The following CNTNAP2 variants were observed in gnomAD, a reference collection of about 807,000 sequenced individuals.
CNTNAP2 encodes the protein contactin associated protein 2.
Under a neutral mutation model 155.2 loss-of-function variants are expected in CNTNAP2, and 98 were observed. The ratio of observed to expected loss-of-function variants is 0.63; its 90% confidence interval spans 0.54 to 0.75. The LOEUF is 0.75. Among genes scored for constraint, CNTNAP2 ranks in the 30% least tolerant of loss-of-function variants. CNTNAP2 has a pLI of 0.00. For synonymous variants in CNTNAP2, 651 were observed against 631.2 expected, an observed-to-expected ratio of 1.03 and a Z score of -0.47; for missense variants, 1,727 against 1,688.1, an observed-to-expected ratio of 1.02 and a Z score of -0.40.
At chr7:148,241,918 G>C (rs1031574094) in intron 20 of CNTNAP2, among the ~76,000 whole-genome samples, 1 of 152,166 alleles carries the variant, frequency 6.6e-6, no homozygotes, top group African/African-American at 2.4e-5. Context: ...TACATTTCAT[G>C]CAGCTCAGTG....
intron 1 of CNTNAP2, among the ~76,000 whole-genome samples, chr7:146,665,788 A>AAAAAAAAAAACAAAAAAAAAAAAAAC (rs1328734569): frequency 2.8e-5 from 4 of 142,034 alleles, no homozygotes; most frequent in Non-Finnish European, 6.0e-5. Flanking sequence ...CTCATTAAAA[A>AAAAAAAAAAACAAAAAAAAAAAAAAC]AAAAAAAAAA....
At chr7:147,257,665 G>A (rs763648588) in intron 8 of CNTNAP2, among the ~76,000 whole-genome samples, 42 of 152,308 alleles carry the variant, frequency 2.8e-4, no homozygotes, top group Admixed American at 6.5e-4. Context: ...TTAAAATGAC[G>A]CTAGGAAATT....
At chr7:147,755,433 T>C (rs921248162) in intron 13 of CNTNAP2, among the ~76,000 whole-genome samples, 1 of 152,148 alleles carries the variant, frequency 6.6e-6, no homozygotes, top group Non-Finnish European at 1.5e-5. Context: ...GGCAGGCGGA[T>C]CACTTGAAGC....
At chr7:147,285,133 T>C (rs1368088332) in intron 8 of CNTNAP2, among the ~76,000 whole-genome samples, 3 of 151,902 alleles carry the variant, frequency 2.0e-5, no homozygotes, top group African/African-American at 7.2e-5. Context: ...ATGCAATTTA[T>C]AAAGCAATTT....
At chr7:147,754,435 C>T (rs948243662) in intron 13 of CNTNAP2, among the ~76,000 whole-genome samples, 3 of 152,130 alleles carry the variant, frequency 2.0e-5, no homozygotes, top group Admixed American at 6.5e-5. Context: ...AATAGGAAAG[C>T]ATCATTTTGT....
At chr7:146,442,110 A>T (rs1796328205) in intron 1 of CNTNAP2, among the ~76,000 whole-genome samples, 1 of 151,564 alleles carries the variant, frequency 6.6e-6, no homozygotes, top group East Asian at 1.9e-4. Context: ...AAAACTTTTG[A>T]AGTCTTCTAT....
intron 1 of CNTNAP2, among the ~76,000 whole-genome samples, chr7:146,248,869 GC>G (rs1799709858): frequency 6.6e-6 from 1 of 152,140 alleles, no homozygotes; most frequent in Admixed American, 6.5e-5. Context: ...AGCAATAAAA[GC>G]TTTTAATCAC....
At chr7:148,358,102 C>T (rs1020824450) in intron 21 of CNTNAP2, among the ~76,000 whole-genome samples, 5 of 152,068 alleles carry the variant, frequency 3.3e-5, no homozygotes, top group East Asian at 1.9e-4. Flanking sequence ...CCAAAAGGAG[C>T]GTGCCTGGTT....
At position 146,736,194 on chromosome 7, in the gene CNTNAP2, C is replaced by T. The variant is rs143582983; in HGVS notation, c.98-38077C>T. On this transcript the variant is annotated intron_variant, in intron 1 of 23. Coordinates refer to ENST00000361727, the MANE Select transcript of CNTNAP2 (RefSeq NM_014141.6). Reference sequence around the variant, plus strand: ...GATAGGTTATATGCAAACACTGGGCCGTTTGACATAAGGGATTTGAGCATT... The same window carrying T: ...GATAGGTTATATGCAAACACTGGGCTGTTTGACATAAGGGATTTGAGCATT... Among the ~76,000 whole-genome samples the T allele has an allele frequency of 1.5e-3, 230 of 151,934 alleles. 2 individuals carry two copies. Among genetic ancestry groups the T allele is most frequent in the African/African-American group, 5.1e-3 (212 of 41,278 alleles).
Position 147,175,221 on chromosome 7 carries a change from C to G in CNTNAP2, c.1348+42712C>G, listed in dbSNP as rs188714580. ...AATCTTCCAAGATTAAGGATTTCAT[C>G]TAATCAATTTCACCTAATTGAAATA... On this transcript the variant is annotated intron_variant, in intron 8 of 23. Coordinates refer to ENST00000361727, the MANE Select transcript of CNTNAP2 (RefSeq NM_014141.6). Among the ~76,000 whole-genome samples the G allele has an allele frequency of 3.3e-4, 50 of 151,894 alleles. 1 individual carries two copies. The highest frequency in any genetic ancestry group is 1.1e-3 in the African/African-American group (45 of 41,422).
chr7:146,160,528 T>C (rs6966811), intron 1 of CNTNAP2, among the ~76,000 whole-genome samples: 45,170 of 152,008 alleles, frequency 0.3, 7,774 homozygotes, highest in African/African-American at 0.48. Context: ...GGGATATCAT[T>C]GATCTCACAG....
chr7:146,420,023 A>C (rs1795989512), intron 1 of CNTNAP2, among the ~76,000 whole-genome samples: 1 of 152,194 alleles, frequency 6.6e-6, no homozygotes, highest in Admixed American at 6.6e-5. Context: ...CTTTATTGAC[A>C]GAACTGTTTT....
At chr7:146,880,842 G>T (rs954533577) in intron 3 of CNTNAP2, among the ~76,000 whole-genome samples, 4 of 152,190 alleles carry the variant, frequency 2.6e-5, no homozygotes, top group African/African-American at 9.6e-5. Flanking sequence ...AATCTCAGGG[G>T]ATGAAATATT....
At chr7:147,076,066 A>G (rs951722577) in intron 4 of CNTNAP2, among the ~76,000 whole-genome samples, 4 of 152,128 alleles carry the variant, frequency 2.6e-5, no homozygotes, top group Non-Finnish European at 5.9e-5. Flanking sequence ...AGTCTTTGCT[A>G]TTGTGAATAG....
At chr7:147,334,490 T>C (rs1390211078) in intron 9 of CNTNAP2, among the ~76,000 whole-genome samples, 1 of 152,180 alleles carries the variant, frequency 6.6e-6, no homozygotes, top group Non-Finnish European at 1.5e-5. Context: ...CTTATAACCA[T>C]AAATGCATTC....
At chr7:146,443,230 TAATA>T (rs540097334) in intron 1 of CNTNAP2, among the ~76,000 whole-genome samples, 5,110 of 147,790 alleles carry the variant, frequency 0.035, 133 homozygotes, top group Middle Eastern at 0.086. Context: ...AATAAATAAA[TAATA>T]AATAAATAAA....
chr7:147,796,969 T>C (rs541467095), intron 13 of CNTNAP2, among the ~76,000 whole-genome samples: 1 of 152,330 alleles, frequency 6.6e-6, no homozygotes, highest in East Asian at 1.9e-4. Flanking sequence ...ACTTACTTAA[T>C]GATCAAGATC....
chr7:147,600,009 T>C (rs1800913587), intron 12 of CNTNAP2, among the ~76,000 whole-genome samples: 1 of 152,192 alleles, frequency 6.6e-6, no homozygotes, highest in Non-Finnish European at 1.5e-5. Context: ...CAATAATTGA[T>C]AAAATAACTA....
intron 8 of CNTNAP2, among the ~76,000 whole-genome samples, chr7:147,182,143 A>AG (rs1309716090): frequency 6.6e-6 from 1 of 150,954 alleles, no homozygotes; most frequent in African/African-American, 2.4e-5. Flanking sequence ...AAAAAAAAAA[A>AG]AAAGAAAGTA....
Sources: allele counts gnomAD v4.1 joint callset (sites outside exome capture counted in the v4.1 genomes callset), GRCh38; gene constraint gnomAD v4.1.1; transcripts MANE v1.5; gene names NCBI Gene and HGNC (gene_info 2026-07-23, HGNC 2026-07-21).